LARP1: variants seen among roughly 807,000 people sequenced by gnomAD.
LARP1 encodes the protein La ribonucleoprotein 1, translational regulator.
In LARP1, 36 loss-of-function variants were observed where a neutral mutation model predicts 122.7. The ratio of observed to expected loss-of-function variants is 0.29; its 90% confidence interval spans 0.22 to 0.39. The LOEUF (loss-of-function observed/expected upper bound fraction) is 0.39. LARP1 is among the 10% of genes least tolerant of loss of function. The pLI, the probability that LARP1 is intolerant of heterozygous loss-of-function variation, is 1.00. For synonymous variants in LARP1, 539 were observed against 528.7 expected (o/e 1.02, Z -0.27); for missense variants, 1,040 against 1,403.6 (o/e 0.74, Z 4.14).
intron 1 of LARP1, among the ~76,000 whole-genome samples, chr5:154,707,216 T>C (rs1474405215): frequency 1.3e-5 from 2 of 152,146 alleles, no homozygotes; most frequent in African/African-American, 2.4e-5. Flanking sequence ...GAGAATAGCC[T>C]TGGCAATACA....
intron 1 of LARP1, among the ~76,000 whole-genome samples, chr5:154,773,531 TC>T (rs891352391): frequency 2.7e-4 from 41 of 152,028 alleles, no homozygotes; most frequent in African/African-American, 9.9e-4. Flanking sequence ...AAGTGCATGT[TC>T]CCCCACAGCA....
intron 15 of LARP1, among the ~76,000 whole-genome samples, chr5:154,806,838 A>G (rs1340414603): frequency 6.6e-6 from 1 of 152,236 alleles, no homozygotes; most frequent in African/African-American, 2.4e-5. Context: ...GATGGAACAT[A>G]CCTAAAGAAT....
At chr5:154,812,505 G>GCCCCCC (rs36105801) in intron 18 of LARP1, among the ~76,000 whole-genome samples, 12 of 58,966 alleles carry the variant, frequency 2.0e-4, no homozygotes, top group African/African-American at 1.9e-4. Flanking sequence ...GGAAGTAAAA[G>GCCCCCC]CCCCCCCCCC....
In LARP1 at chr5:154,790,322, C is replaced by T. The variant is rs1757242491; in HGVS notation, c.437-3C>T. 1.2e-6 allele frequency: 2 copies of T among 1,612,758 alleles called. No homozygotes were observed. Among genetic ancestry groups the T allele is most frequent in the Admixed American group, 1.7e-5 (1 of 59,828 alleles). The stretch of plus-strand genomic sequence containing the variant: ...TACTAACTCTCCCTTCTTGTTCCCA[C>T]AGAACACTCTGCTCCAGCCAAGGTG... On this transcript the variant is annotated splice_polypyrimidine_tract_variant and splice_region_variant and intron_variant, in intron 1 of 18. Transcript: ENST00000518297.
intron 7 of LARP1, 82 bp from the exon 8 acceptor site, chr5:154,795,093 G>T: frequency 7.5e-7 from 1 of 1,336,518 alleles, no homozygotes. Context: ...GATTGCTGGG[G>T]TGTGTAGCAG....
chr5:154,699,052 G>A (rs1394009691), intron 1 of LARP1, among the ~76,000 whole-genome samples: 1 of 152,176 alleles, frequency 6.6e-6, no homozygotes, highest in Admixed American at 6.5e-5. Flanking sequence ...AGGATGTTCT[G>A]CCTGGAAAAG....
chr5:154,764,092 T>A (rs1284343593), intron 1 of LARP1, among the ~76,000 whole-genome samples: 1 of 151,918 alleles, frequency 6.6e-6, no homozygotes, highest in Non-Finnish European at 1.5e-5. Flanking sequence ...GTGGATCACC[T>A]GAGGTCAGGA....
At chr5:154,767,373 T>G (rs1307012046) in intron 1 of LARP1, among the ~76,000 whole-genome samples, 3 of 152,184 alleles carry the variant, frequency 2.0e-5, no homozygotes, top group African/African-American at 7.2e-5. Flanking sequence ...TTAACAGAAG[T>G]CAGGTGCTAT....
intron 8 of LARP1, among the ~76,000 whole-genome samples, chr5:154,798,249 C>T (rs1470703240): frequency 1.3e-5 from 2 of 152,190 alleles, no homozygotes; most frequent in African/African-American, 2.4e-5. Flanking sequence ...CTGTCACTTA[C>T]ACCCTTTCTT....
At chr5:154,689,045 G>A (rs555096930) in intron 1 of LARP1, among the ~76,000 whole-genome samples, 49 of 152,316 alleles carry the variant, frequency 3.2e-4, no homozygotes, top group African/African-American at 1.1e-3. Context: ...TGCGCCGGGC[G>A]CAGTGGCTCA....
intron 1 of LARP1, 42 bp downstream of exon 1, chr5:154,756,235 C>G (rs775601252): frequency 8.3e-7 from 1 of 1,199,030 alleles, no homozygotes; most frequent in South Asian, 1.5e-5. Flanking sequence ...GGGGCCTCTT[C>G]CGGGGACATG....
chr5:154,709,598 A>AT (rs60062105), upstream of LARP1, among the ~76,000 whole-genome samples: 6,841 of 81,284 alleles, frequency 0.084, 509 homozygotes, highest in East Asian at 0.17. Context: ...CTCCAGTGAG[A>AT]TTTTTTTTTT....
rs750511539 is a variant in LARP1 at position 154,802,048 on chromosome 5, TCAGCAGCTGCCTTCC to T, written c.1768_1782del (p.Pro590_Leu594del). The T allele has an allele frequency of 6.2e-7, 1 of 1,613,962 alleles. No individual in the cohort carries two copies. The highest frequency in any genetic ancestry group is 1.3e-5 in the African/African-American group (1 of 75,028). Reference sequence around the variant, plus strand: ...GATTTTCCCACCTGACCTCTCTGCCTCAGCAGCTGCCTTCCCAGCAGCTGATGTCCAAGGATCAGG... The same window carrying T: ...GATTTTCCCACCTGACCTCTCTGCCTCAGCAGCTGATGTCCAAGGATCAGG... On this transcript the variant is annotated inframe_deletion, in exon 11 of 19. Transcript: ENST00000518297. The surrounding 1 kb of genome is among the most constrained non-coding windows in gnomAD (Gnocchi z 5.1).
intron 1 of LARP1, among the ~76,000 whole-genome samples, chr5:154,732,406 A>G (rs1326120801): frequency 2.0e-5 from 3 of 152,202 alleles, no homozygotes; most frequent in Non-Finnish European, 4.4e-5. Flanking sequence ...ACAGTGAACT[A>G]ATAACCAGAA....
intron 1 of LARP1, among the ~76,000 whole-genome samples, chr5:154,763,268 G>A (rs1443313329): frequency 6.6e-6 from 1 of 151,772 alleles, no homozygotes; most frequent in African/African-American, 2.4e-5. Context: ...CTTCATGTTG[G>A]TCGGGTTGGT....
chr5:154,687,001 C>T (rs939394623), intron 1 of LARP1, among the ~76,000 whole-genome samples: 1 of 152,226 alleles, frequency 6.6e-6, no homozygotes, highest in African/African-American at 2.4e-5. Flanking sequence ...CTCTGTCTCT[C>T]TTAGACCGAC....
At chr5:154,806,288 A>G (rs945976436) in intron 15 of LARP1, among the ~76,000 whole-genome samples, 2 of 152,322 alleles carry the variant, frequency 1.3e-5, no homozygotes, top group Middle Eastern at 3.4e-3. Context: ...CTGTCAATTA[A>G]GTATTTCCAT....
intron 1 of LARP1, among the ~76,000 whole-genome samples, chr5:154,778,078 G>A (rs1164129567): frequency 2.0e-5 from 3 of 152,036 alleles, no homozygotes; most frequent in Non-Finnish European, 2.9e-5. Flanking sequence ...TGGCTAACAC[G>A]GTGAAACCCC....
At chr5:154,747,370 C>T (rs1347489749) in intron 1 of LARP1, among the ~76,000 whole-genome samples, 1 of 151,728 alleles carries the variant, frequency 6.6e-6, no homozygotes, top group African/African-American at 2.4e-5. Flanking sequence ...GAGTTCGAGA[C>T]CAGCCTGGCC....
Sources: gnomAD v4.1 joint callset for allele counts (sites outside exome capture counted in the v4.1 genomes callset) on GRCh38, gnomAD v4.1.1 for gene constraint, Gnocchi (gnomAD v3.1) non-coding constraint, MANE v1.5 for transcripts, NCBI Gene and HGNC (gene_info 2026-07-23, HGNC 2026-07-21) for gene names.